Variants in CCDC177 observed in about 807,000 individuals in gnomAD.
The protein encoded by CCDC177 is coiled-coil domain-containing protein 177.
Under a neutral mutation model 7.3 loss-of-function variants are expected in CCDC177, and 2 were observed. That is an observed-to-expected ratio of 0.28 (90% CI 0.11 to 0.87). The LOEUF is 0.87. Ranked by LOEUF, CCDC177 falls within the 40% of genes least tolerant of loss-of-function variation. The probability of loss-of-function intolerance (pLI) is 0.61; values close to 1 mark genes in which losing one functional copy is unlikely to be tolerated. For missense variants in CCDC177, 874 were observed against 970.5 expected, an observed-to-expected ratio of 0.90 and a Z score of 1.32; for synonymous variants, 401 against 449.2, an observed-to-expected ratio of 0.89 and a Z score of 1.36.
chr14:69,571,923 CCCTGCAGCTCCTCTCGCCGGGCCCGCT>C lies in CCDC177; in HGVS notation c.1673_1699del (p.Glu558_Gln566del). On this transcript the variant is annotated inframe_deletion, in exon 2 of 2. Coordinates refer to ENST00000599174, the MANE Select transcript of CCDC177 (RefSeq NM_001271507.2). ...CTCTGCCGCCTCCTTGGCCCGCCGA[CCCTGCAGCTCCTCTCGCCGGGCCCGCT>C]CCCGCAGCTCCCGGGTGCGCTGCTC... is the stretch of plus-strand genomic sequence containing the variant. 1 of 1,231,960 alleles carries C rather than the reference CCCTGCAGCTCCTCTCGCCGGGCCCGCT, an allele frequency of 8.1e-7. No homozygotes were observed. The highest frequency in any genetic ancestry group is 1.0e-6 in the Non-Finnish European group (1 of 988,218). The allele number at this position is 1,231,960 out of a possible 1,614,324, so 76.3% of individuals were successfully genotyped here. A position where few individuals can be genotyped will look rare whatever the true frequency, so the allele number is the denominator to read the frequency against.
rs1372008223 is a variant in CCDC177 at position 69,574,655 on chromosome 14, C to T, written c.-142G>A. 6.6e-6 allele frequency: 1 copy of T among 152,184 alleles called. No individual in the cohort carries two copies. The highest frequency in any genetic ancestry group is 1.5e-5 in the Non-Finnish European group (1 of 68,074). The allele number at this position is 152,184 out of a possible 1,614,324, so 9.4% of individuals were successfully genotyped here. On this transcript the variant is annotated 5_prime_UTR_variant, in exon 1 of 2. Coordinates refer to ENST00000599174, the MANE Select transcript of CCDC177 (RefSeq NM_001271507.2). Reference sequence around the variant, plus strand: ...GGGTCGGGTTACTGCCGGCTGCAACCGTGAAAGGAGCCCCATCTGCCGCCG... The same window carrying T: ...GGGTCGGGTTACTGCCGGCTGCAACTGTGAAAGGAGCCCCATCTGCCGCCG...
chr14:69,572,407 G>C lies in CCDC177; in HGVS notation c.1216C>G (p.Arg406Gly). ...AAQVEERRGR[R>G]GREEREAARR... ...GCCGCCTCGCGCTCTTCGCGGCCAC[G>C]GCGGCCTCGCCGCTCCTCCACCTGC... Residue 406 changes from arginine (R) to glycine (G), a missense_variant, in exon 2 of 2, where the codon CGT becomes GGT. By Grantham distance (125) the Arg-to-Gly change is moderately radical (BLOSUM62 -2). Transcript: ENST00000599174. 1 of 1,223,650 alleles carries C rather than the reference G, an allele frequency of 8.2e-7. No homozygotes were observed. 75.8% of individuals were successfully genotyped at this position (1,223,650 alleles called of 1,614,324 possible).
chr14:69,573,519 T>C lies in CCDC177; in HGVS notation c.104A>G (p.Gln35Arg). 8.1e-7 allele frequency: 1 copy of C among 1,231,636 alleles called. No individual in the cohort carries two copies. The highest frequency in any genetic ancestry group is 4.1e-5 in the South Asian group (1 of 24,320). 76.3% of individuals were successfully genotyped at this position (1,231,636 alleles called of 1,614,324 possible). Residue 35 changes from glutamine (Q) to arginine (R), a missense_variant, in exon 2 of 2, where the codon CAG (glutamine) becomes CGG (arginine). By Grantham distance (43) the Gln-to-Arg change is conservative. Coordinates refer to ENST00000599174, the MANE Select transcript of CCDC177 (RefSeq NM_001271507.2). ...ASVPPDSQGA[Q>R]EPAASSASAS... ...CGAGGCCGAGGAAGCTGCGGGCTCC[T>C]GTGCGCCCTGGGAATCAGGGGGCAC...
In CCDC177 at chr14:69,572,776, T is replaced by TGGA; in HGVS notation, c.844_846dup (p.Ser282dup). On this transcript the variant is annotated inframe_insertion, in exon 2 of 2. Transcript: ENST00000599174. The stretch of plus-strand genomic sequence containing the variant: ...GACGGGCGGCCCGGAGCGTTGGTGG[T>TGGA]GGAGGACGCCGACCCCGCTGGGCAG... 8.1e-7 allele frequency: 1 copy of TGGA among 1,230,156 alleles called. No individual in the cohort carries two copies. The highest frequency in any genetic ancestry group is 1.0e-6 in the Non-Finnish European group (1 of 987,356). The allele number at this position is 1,230,156 out of a possible 1,614,324, so 76.2% of individuals were successfully genotyped here. A position where few individuals can be genotyped will look rare whatever the true frequency, so the allele number is the denominator to read the frequency against.
Position 69,571,436 on chromosome 14 carries a change from G to T in CCDC177, c.*63C>A. 1 of 1,156,104 alleles carries T rather than the reference G, an allele frequency of 8.6e-7. No homozygotes were observed. The highest frequency in any genetic ancestry group is 1.1e-6 in the Non-Finnish European group (1 of 906,284). The allele number at this position is 1,156,104 out of a possible 1,614,324, so 71.6% of individuals were successfully genotyped here. A position where few individuals can be genotyped will look rare whatever the true frequency, so the allele number is the denominator to read the frequency against. ...GCACCGAGCGGGGACTCCCACGATG[G>T]TCAGTGGTTGAGGGAGGCCCCAGGG... On this transcript the variant is annotated 3_prime_UTR_variant, in exon 2 of 2. Coordinates refer to ENST00000599174, the MANE Select transcript of CCDC177 (RefSeq NM_001271507.2).
In CCDC177 at chr14:69,571,411, G is replaced by A; in HGVS notation, c.*88C>T. 6 of 942,082 alleles carry A rather than the reference G, an allele frequency of 6.4e-6. No individual in the cohort carries two copies. Among genetic ancestry groups the A allele is most frequent in the Non-Finnish European group, 8.5e-6 (6 of 707,710 alleles). The allele number at this position is 942,082 out of a possible 1,614,324, so 58.4% of individuals were successfully genotyped here. A position where few individuals can be genotyped will look rare whatever the true frequency, so the allele number is the denominator to read the frequency against. On this transcript the variant is annotated 3_prime_UTR_variant, in exon 2 of 2. Coordinates refer to ENST00000599174, the MANE Select transcript of CCDC177 (RefSeq NM_001271507.2). The stretch of plus-strand genomic sequence containing the variant: ...AAGCCTCGAGAGGCCACCGCGCTGC[G>A]CACCGAGCGGGGACTCCCACGATGG...
chr14:69,572,541 G>A lies in CCDC177; in HGVS notation c.1082C>T (p.Ala361Val). 8.1e-7 allele frequency: 1 copy of A among 1,231,090 alleles called. No homozygotes were observed. The highest frequency in any genetic ancestry group is 1.0e-6 in the Non-Finnish European group (1 of 987,506). The allele number at this position is 1,231,090 out of a possible 1,614,324, so 76.3% of individuals were successfully genotyped here. The change falls in exon 2 of 2, where the codon GCT becomes GTT. Residue 361 changes from alanine (A) to valine (V), a missense_variant. Coordinates refer to ENST00000599174, the MANE Select transcript of CCDC177 (RefSeq NM_001271507.2). ...EELLLLEQRA[A>V]AHGQWELQRV... is the part of the protein sequence containing the mutation. ...CTGCAGCTCCCACTGGCCGTGGGCA[G>A]CCGCGCGTTGCTCCAGCAGCAGGAG...
Position 69,573,629 on chromosome 14 carries a change from G to T in CCDC177, c.-7C>A. ...CAGGCACTGGGTCCACCATGGCTGAGCCCCGTCCTTTGTTGGAATCTCTGC... is the reference window on the plus strand; with the variant it reads ...CAGGCACTGGGTCCACCATGGCTGATCCCCGTCCTTTGTTGGAATCTCTGC... On this transcript the variant is annotated 5_prime_UTR_variant, in exon 2 of 2. Coordinates refer to ENST00000599174, the MANE Select transcript of CCDC177 (RefSeq NM_001271507.2). The T allele has an allele frequency of 8.1e-7, 1 of 1,231,818 alleles. No homozygotes were observed. Among genetic ancestry groups the T allele is most frequent in the Admixed American group, 4.2e-5 (1 of 23,722 alleles). The allele number at this position is 1,231,818 out of a possible 1,614,324, so 76.3% of individuals were successfully genotyped here. A position where few individuals can be genotyped will look rare whatever the true frequency, so the allele number is the denominator to read the frequency against.
chr14:69,572,821 G>A lies in CCDC177; in HGVS notation c.802C>T (p.Arg268Trp), dbSNP rs1884359875. ...ESLRELRWPP[R>W]ASARNSCPAG... ...GGGCAGCTGTTCCTGGCCGAGGCCCGAGGCGGCCAGCGCAGCTCCCTCAAG... is the reference window on the plus strand; with the variant it reads ...GGGCAGCTGTTCCTGGCCGAGGCCCAAGGCGGCCAGCGCAGCTCCCTCAAG... The change falls in exon 2 of 2, where the codon CGG (arginine) becomes TGG (tryptophan). Residue 268 changes from arginine (R) to tryptophan (W), a missense_variant. Transcript: ENST00000599174. 2.4e-6 allele frequency: 3 copies of A among 1,231,038 alleles called. No individual in the cohort carries two copies. Among genetic ancestry groups the A allele is most frequent in the Non-Finnish European group, 3.0e-6 (3 of 987,660 alleles). 76.3% of individuals were successfully genotyped at this position (1,231,038 alleles called of 1,614,324 possible). A position where few individuals can be genotyped will look rare whatever the true frequency, so the allele number is the denominator to read the frequency against.
At position 69,572,110 on chromosome 14, in the gene CCDC177, T is replaced by C. The variant is rs545446780; in HGVS notation, c.1513A>G (p.Ser505Gly). 3.2e-6 allele frequency: 4 copies of C among 1,231,058 alleles called. No homozygotes were observed. The South Asian group carries it at 1.6e-4, about 51-fold the overall frequency. The allele number at this position is 1,231,058 out of a possible 1,614,324, so 76.3% of individuals were successfully genotyped here. ...TCGTGGCGCGCCCGCTCGGCCCGGC[T>C]CAGCTCCCGCTTCTCCCGCTGCAGC... ...GQLQREKREL[S>G]RAERARHEAL... The change falls in exon 2 of 2, where the codon AGC becomes GGC. Residue 505 changes from serine to glycine, a missense_variant. Coordinates refer to ENST00000599174, the MANE Select transcript of CCDC177 (RefSeq NM_001271507.2).
At position 69,573,170 on chromosome 14, in the gene CCDC177, C is replaced by T. The variant is rs1321669953; in HGVS notation, c.453G>A (p.Glu151=). ...RRAKLQQCRA[E]RERIMREEKR... Reference sequence around the variant, plus strand: ...TCTCCTCGCGCATGATGCGCTCGCGCTCGGCCCGGCATTGCTGCAGCTTGG... The same window carrying T: ...TCTCCTCGCGCATGATGCGCTCGCGTTCGGCCCGGCATTGCTGCAGCTTGG... The change falls in exon 2 of 2, where the codon GAG becomes GAA. Residue 151 remains glutamate (E), a synonymous_variant. Coordinates refer to ENST00000599174, the MANE Select transcript of CCDC177 (RefSeq NM_001271507.2). The T allele has an allele frequency of 4.9e-6, 6 of 1,230,304 alleles. No homozygotes were observed. The highest frequency in any genetic ancestry group is 6.1e-6 in the Non-Finnish European group (6 of 987,082). 76.2% of individuals were successfully genotyped at this position (1,230,304 alleles called of 1,614,324 possible). A position where few individuals can be genotyped will look rare whatever the true frequency, so the allele number is the denominator to read the frequency against.
rs1321286341 is a variant in CCDC177 at position 69,572,909 on chromosome 14, G to T, written c.714C>A (p.Arg238=). The change falls in exon 2 of 2, where the codon CGC becomes CGA. Residue 238 remains arginine (R), a synonymous_variant. Coordinates refer to ENST00000599174, the MANE Select transcript of CCDC177 (RefSeq NM_001271507.2). ...RKSHSLDSLS[R]RREGALSSES... ...CGGAGCTGAGGGCGCCCTCACGCCG[G>T]CGGGACAGTGAGTCCAGCGAATGGC... 8.1e-7 allele frequency: 1 copy of T among 1,231,358 alleles called. No homozygotes were observed. The highest frequency in any genetic ancestry group is 1.0e-6 in the Non-Finnish European group (1 of 987,800). The allele number at this position is 1,231,358 out of a possible 1,614,324, so 76.3% of individuals were successfully genotyped here.
chr14:69,571,376 C>T lies in CCDC177; in HGVS notation c.*123G>A. The stretch of plus-strand genomic sequence containing the variant: ...CCAAACGTCTGTACTGTTGTTGCCT[C>T]ATTGGTCAGAAGCCTCGAGAGGCCA... On this transcript the variant is annotated 3_prime_UTR_variant, in exon 2 of 2. Coordinates refer to ENST00000599174, the MANE Select transcript of CCDC177 (RefSeq NM_001271507.2). 3.3e-6 allele frequency: 2 copies of T among 602,444 alleles called. No individual in the cohort carries two copies. The highest frequency in any genetic ancestry group is 5.1e-6 in the Non-Finnish European group (2 of 389,586). 37.3% of individuals were successfully genotyped at this position (602,444 alleles called of 1,614,324 possible).
In CCDC177 at chr14:69,573,522, G is replaced by A; in HGVS notation, c.101C>T (p.Ala34Val). Residue 34 changes from alanine to valine, a missense_variant, in exon 2 of 2, where the codon GCA (alanine) becomes GTA (valine). Physicochemically the swap from Ala to Val is moderately conservative, Grantham distance 64. Coordinates refer to ENST00000599174, the MANE Select transcript of CCDC177 (RefSeq NM_001271507.2). ...VASVPPDSQG[A>V]QEPAASSASA... ...GGCCGAGGAAGCTGCGGGCTCCTGT[G>A]CGCCCTGGGAATCAGGGGGCACGGA... 1 of 1,231,644 alleles carries A rather than the reference G, an allele frequency of 8.1e-7. No homozygotes were observed. Among genetic ancestry groups the A allele is most frequent in the Non-Finnish European group, 1.0e-6 (1 of 987,874 alleles). 76.3% of individuals were successfully genotyped at this position (1,231,644 alleles called of 1,614,324 possible).
At position 69,572,683 on chromosome 14, in the gene CCDC177, T is replaced by A. The variant is rs1884355429; in HGVS notation, c.940A>T (p.Thr314Ser). The change falls in exon 2 of 2, where the codon ACC (threonine) becomes TCC (serine). Residue 314 changes from threonine to serine, a missense_variant. By Grantham distance (58) the Thr-to-Ser change is moderately conservative. Coordinates refer to ENST00000599174, the MANE Select transcript of CCDC177 (RefSeq NM_001271507.2). ...ACGATGCGCTCCACGTGCTGAGCGG[T>A]CTGCGGCGAATGGCTCAGGTCGCCG... Reference protein sequence around the residue: ...SLGDLSHSPQTAQHVERIVRQ... With the variant: ...SLGDLSHSPQSAQHVERIVRQ... The A allele has an allele frequency of 1.6e-6, 2 of 1,231,390 alleles. No individual in the cohort carries two copies. Among genetic ancestry groups the A allele is most frequent in the South Asian group, 4.1e-5 (1 of 24,322 alleles). The allele number at this position is 1,231,390 out of a possible 1,614,324, so 76.3% of individuals were successfully genotyped here. A position where few individuals can be genotyped will look rare whatever the true frequency, so the allele number is the denominator to read the frequency against.
At position 69,572,267 on chromosome 14, in the gene CCDC177, C is replaced by T; in HGVS notation, c.1356G>A (p.Leu452=). 2.4e-6 allele frequency: 3 copies of T among 1,229,374 alleles called. No homozygotes were observed. Among genetic ancestry groups the T allele is most frequent in the African/African-American group, 1.6e-5 (1 of 64,358 alleles). The allele number at this position is 1,229,374 out of a possible 1,614,324, so 76.2% of individuals were successfully genotyped here. A position where few individuals can be genotyped will look rare whatever the true frequency, so the allele number is the denominator to read the frequency against. Residue 452 remains leucine, a synonymous_variant, in exon 2 of 2, where the codon CTG becomes CTA. Transcript: ENST00000599174. ...RAERAAREDR[L]RKLQQEQNLK... ...GGTTCTGCTCCTGCTGAAGCTTGCG[C>T]AGCCGATCCTCCCGGGCCGCGCGCT...
rs1884344157 is a variant in CCDC177 at position 69,572,329 on chromosome 14, C to G, written c.1294G>C (p.Ala432Pro). ...ERSEERRREL[A>P]ERQGLLRRER... ...CGCCGCAGGAGGCCCTGGCGTTCGGCCAGCTCCCGCCGCCGCTCCTCGCTG... is the reference window on the plus strand; with the variant it reads ...CGCCGCAGGAGGCCCTGGCGTTCGGGCAGCTCCCGCCGCCGCTCCTCGCTG... The change falls in exon 2 of 2, where the codon GCC becomes CCC. Residue 432 changes from alanine (A) to proline (P), a missense_variant. Physicochemically the swap from Ala to Pro is conservative, Grantham distance 27. Coordinates refer to ENST00000599174, the MANE Select transcript of CCDC177 (RefSeq NM_001271507.2). 6.5e-6 allele frequency: 8 copies of G among 1,226,110 alleles called. No homozygotes were observed. Among genetic ancestry groups the G allele is most frequent in the Non-Finnish European group, 5.1e-6 (5 of 984,486 alleles). 76.0% of individuals were successfully genotyped at this position (1,226,110 alleles called of 1,614,324 possible).
Position 69,573,633 on chromosome 14 carries a change from C to A in CCDC177, c.-11G>T. 2 of 1,231,834 alleles carry A rather than the reference C, an allele frequency of 1.6e-6. No homozygotes were observed. The highest frequency in any genetic ancestry group is 2.0e-6 in the Non-Finnish European group (2 of 988,036). 76.3% of individuals were successfully genotyped at this position (1,231,834 alleles called of 1,614,324 possible). A position where few individuals can be genotyped will look rare whatever the true frequency, so the allele number is the denominator to read the frequency against. On this transcript the variant is annotated 5_prime_UTR_variant, in exon 2 of 2. Coordinates refer to ENST00000599174, the MANE Select transcript of CCDC177 (RefSeq NM_001271507.2). The stretch of plus-strand genomic sequence containing the variant: ...CACTGGGTCCACCATGGCTGAGCCC[C>A]GTCCTTTGTTGGAATCTCTGCAGAT...
In CCDC177 at chr14:69,572,190, A is replaced by G. The variant is rs1884339897; in HGVS notation, c.1433T>C (p.Ile478Thr). Residue 478 changes from isoleucine (I) to threonine (T), a missense_variant, in exon 2 of 2, where the codon ATC (isoleucine) becomes ACC (threonine). Ile to Thr is a moderately conservative substitution (Grantham distance 89). Transcript: ENST00000599174. ...CGCGCGCTGGGCGCGCTCCCTGCGG[A>G]TCTGCTCAGCCCGCTCCCGCCCTTC... ...LQEGRERAEQIRRERAQRAAR... is the reference protein window; with the variant it reads ...LQEGRERAEQTRRERAQRAAR... The G allele has an allele frequency of 1.3e-5, 16 of 1,227,974 alleles. No individual in the cohort carries two copies. Among genetic ancestry groups the G allele is most frequent in the Non-Finnish European group, 1.6e-5 (16 of 986,530 alleles). 76.1% of individuals were successfully genotyped at this position (1,227,974 alleles called of 1,614,324 possible).
Sources: gnomAD v4.1 joint callset for allele counts on GRCh38, gnomAD v4.1.1 for gene constraint, MANE v1.5 for transcripts, NCBI Gene and HGNC (gene_info 2026-07-23, HGNC 2026-07-21) for gene names.